NIM1K: variants seen among roughly 807,000 people sequenced by gnomAD.
The protein encoded by NIM1K is serine/threonine-protein kinase NIM1.
A neutral mutation model predicts 37.1 loss-of-function variants in NIM1K; 35 were observed. That is an observed-to-expected ratio of 0.94 (90% confidence interval 0.72 to 1.25). NIM1K has a LOEUF of 1.25. Ranked by LOEUF, NIM1K falls within the 50% of genes most tolerant of loss-of-function variation. The pLI is 0.00. For missense variants in NIM1K, 564 were observed against 548.0 expected (o/e 1.03, Z -0.29); for synonymous variants, 234 against 206.6 (o/e 1.13, Z -1.14).
At chr5:43,268,928 G>A (rs1406652080) in intron 2 of NIM1K, among the ~76,000 whole-genome samples, 1 of 151,370 alleles carries the variant, frequency 6.6e-6, no homozygotes. Flanking sequence ...TATAATTTTT[G>A]CAAAGGTGGT....
chr5:43,265,675 G>T (rs755578947), intron 2 of NIM1K, among the ~76,000 whole-genome samples: 6 of 152,184 alleles, frequency 3.9e-5, no homozygotes, highest in Non-Finnish European at 5.9e-5. Flanking sequence ...GCAAGGAGCT[G>T]CATTCCTTTG....
At chr5:43,210,167 G>T (rs1256454964) in intron 1 of NIM1K, among the ~76,000 whole-genome samples, 1 of 151,768 alleles carries the variant, frequency 6.6e-6, no homozygotes, top group Non-Finnish European at 1.5e-5. Context: ...AGAGGGGAGG[G>T]GAAGGGAGGA....
intron 1 of NIM1K, among the ~76,000 whole-genome samples, chr5:43,233,823 A>G (rs1359088376): frequency 6.6e-6 from 1 of 152,252 alleles, no homozygotes; most frequent in East Asian, 1.9e-4. Flanking sequence ...ATTTCTGAGC[A>G]GATGAAGAAT....
chr5:43,220,563 G>A (rs2112229726), intron 1 of NIM1K, among the ~76,000 whole-genome samples: 1 of 152,250 alleles, frequency 6.6e-6, no homozygotes, highest in East Asian at 1.9e-4. Flanking sequence ...TTACAGGCGT[G>A]AGCTACTGCG....
chr5:43,221,595 G>A (rs55770582), intron 1 of NIM1K, among the ~76,000 whole-genome samples: 22,123 of 152,198 alleles, frequency 0.15, 1,927 homozygotes, highest in Middle Eastern at 0.22. Context: ...AGAGGCTCCA[G>A]GGCAGCTGTG....
chr5:43,200,988 G>A (rs1752010823), intron 1 of NIM1K, among the ~76,000 whole-genome samples: 1 of 151,896 alleles, frequency 6.6e-6, no homozygotes, highest in South Asian at 2.1e-4. Flanking sequence ...AGCCAGGCAC[G>A]GTGACAGGCT....
intron 1 of NIM1K, chr5:43,233,113 C>A (rs1365534628): frequency 1.5e-6 from 2 of 1,345,688 alleles, no homozygotes; most frequent in Admixed American, 3.4e-5. Flanking sequence ...GTAGGGCTCC[C>A]AGCAGGCATT....
Position 43,203,352 on chromosome 5 carries a change from C to T in NIM1K, c.-695+10941C>T, listed in dbSNP as rs142435569. ...ACTACAACCTAAATGCAGTTGTTAA[C>T]GGACTGAAGCCTACTTTTGTGCCAG... On this transcript the variant is annotated intron_variant, in intron 1 of 3. Transcript: ENST00000326035. Among the ~76,000 whole-genome samples, 328 of 152,318 alleles carry T rather than the reference C, an allele frequency of 2.2e-3. 2 individuals are homozygous for T. Among genetic ancestry groups the T allele is most frequent in the African/African-American group, 7.4e-3 (307 of 41,566 alleles).
At chr5:43,276,304 T>TGGTGGAA (rs1245932649) in intron 2 of NIM1K, among the ~76,000 whole-genome samples, 1 of 152,220 alleles carries the variant, frequency 6.6e-6, no homozygotes, top group Non-Finnish European at 1.5e-5. Flanking sequence ...GCTCCAATCA[T>TGGTGGAA]GGTGGAAGGT....
At chr5:43,226,430 A>G (rs1222615365) in intron 1 of NIM1K, among the ~76,000 whole-genome samples, 1 of 152,144 alleles carries the variant, frequency 6.6e-6, no homozygotes, top group Non-Finnish European at 1.5e-5. Flanking sequence ...AGCCAATGGG[A>G]TTTGCTGACA....
chr5:43,256,771 C>T (rs1752953283), intron 2 of NIM1K, among the ~76,000 whole-genome samples: 2 of 152,342 alleles, frequency 1.3e-5, no homozygotes, highest in South Asian at 4.1e-4. Flanking sequence ...TGTATAAATA[C>T]TCCAGTTCTC....
At chr5:43,203,535 T>C (rs1281916062) in intron 1 of NIM1K, among the ~76,000 whole-genome samples, 3 of 152,234 alleles carry the variant, frequency 2.0e-5, no homozygotes, top group Admixed American at 6.5e-5. Context: ...ACCACTTGGC[T>C]GTGCTGGAGT....
chr5:43,213,196 TCTTTCTTTCTTTCTTTCTTTCTTTC>T (rs1561074774), intron 1 of NIM1K, among the ~76,000 whole-genome samples: 27 of 68,822 alleles, frequency 3.9e-4, no homozygotes, highest in African/African-American at 9.7e-4. Flanking sequence ...TTTCTTTCTT[TCTTTCTTTCTTTCTTTCTTTCTTTC>T]TTTCCTTCTT....
At chr5:43,217,459 CAAAAA>C (rs35739990) in intron 1 of NIM1K, among the ~76,000 whole-genome samples, 2 of 93,744 alleles carry the variant, frequency 2.1e-5, no homozygotes, top group Admixed American at 1.2e-4. Context: ...TGTGGACATG[CAAAAA>C]AAAAAAAAAA....
chr5:43,247,859 C>T (rs1041440747), intron 2 of NIM1K, among the ~76,000 whole-genome samples: 5 of 152,186 alleles, frequency 3.3e-5, no homozygotes, highest in African/African-American at 1.2e-4. Context: ...TTTCATTTCA[C>T]TTGAGAGAAT....
At chr5:43,254,128 G>A (rs1261417873) in intron 2 of NIM1K, among the ~76,000 whole-genome samples, 1 of 152,216 alleles carries the variant, frequency 6.6e-6, no homozygotes, top group Non-Finnish European at 1.5e-5. Flanking sequence ...AGGAGAAGTG[G>A]CAGTGAGAAT....
intron 1 of NIM1K, among the ~76,000 whole-genome samples, chr5:43,221,616 A>C (rs1255772410): frequency 6.6e-6 from 1 of 152,232 alleles, no homozygotes; most frequent in Non-Finnish European, 1.5e-5. Flanking sequence ...TGATCAAAGA[A>C]GATTTATGAA....
At position 43,240,817 on chromosome 5, in the gene NIM1K, G is replaced by A. The variant is rs140621281; in HGVS notation, c.-694-4265G>A. Among the ~76,000 whole-genome samples the A allele has an allele frequency of 3.1e-3, 472 of 151,980 alleles. 5 individuals are homozygous for A. Among genetic ancestry groups the A allele is most frequent in the African/African-American group, 0.011 (458 of 41,332 alleles). ...CTCCCAAAGTGCTGGTATTACAGCCGTGAGCCACCACAATCGGCCCTTTCT... is the reference window on the plus strand; with the variant it reads ...CTCCCAAAGTGCTGGTATTACAGCCATGAGCCACCACAATCGGCCCTTTCT... On this transcript the variant is annotated intron_variant, in intron 1 of 3. Transcript: ENST00000326035.
chr5:43,192,353 C>T lies in NIM1K; in HGVS notation c.-753C>T, dbSNP rs937573692. ...ACCGCTCCTGCTCCAGAGGCAACAA[C>T]CCAGCGCGCCTAGCCTGGCGCCGTG... On this transcript the variant is annotated 5_prime_UTR_variant, in exon 1 of 4. Transcript: ENST00000326035. 6 of 152,452 alleles carry T rather than the reference C, an allele frequency of 3.9e-5. No homozygotes were observed. Among genetic ancestry groups the T allele is most frequent in the African/African-American group, 1.4e-4 (6 of 41,478 alleles). The allele number at this position is 152,452 out of a possible 1,614,324, so 9.4% of individuals were successfully genotyped here.
Sources: allele counts gnomAD v4.1 joint callset (sites outside exome capture counted in the v4.1 genomes callset), GRCh38; gene constraint gnomAD v4.1.1; transcripts MANE v1.5; gene names NCBI Gene and HGNC (gene_info 2026-07-23, HGNC 2026-07-21).